SLC4A3: variants seen among roughly 807,000 people sequenced by gnomAD.
The protein encoded by SLC4A3 is solute carrier family 4 member 3.
SLC4A3 carries 47 observed loss-of-function variants against 114.2 expected under a neutral mutation model. The observed-to-expected ratio is 0.41, with a 90% CI of 0.33 to 0.52. SLC4A3 has a LOEUF of 0.52. Among genes scored for constraint, SLC4A3 ranks in the 20% least tolerant of loss-of-function variants. The pLI, the probability that SLC4A3 is intolerant of heterozygous loss-of-function variation, is 0.21. For missense variants in SLC4A3, 1,312 were observed against 1,668.3 expected, an observed-to-expected ratio of 0.79 and a Z score of 3.72; for synonymous variants, 693 against 710.3, an observed-to-expected ratio of 0.98 and a Z score of 0.39.
In SLC4A3 at chr2:219,635,311, A is replaced by T; in HGVS notation, c.1787A>T (p.Asp596Val). ...EAAYQADDRQ[D>V]LLSAISEFLD... ...GCCTACCAGGCAGATGACCGGCAAG[A>T]CCTCCTAAGTGCCATCAGCGAGTTC... Residue 596 changes from aspartate to valine, a missense_variant, in exon 13 of 23, where the codon GAC (aspartate) becomes GTC (valine). Transcript: ENST00000358055. 10 of 1,613,742 alleles carry T rather than the reference A, an allele frequency of 6.2e-6. No individual in the cohort carries two copies. Among genetic ancestry groups the T allele is most frequent in the Non-Finnish European group, 8.5e-6 (10 of 1,179,940 alleles).
chr2:219,632,299 G>A lies in SLC4A3; in HGVS notation c.998G>A (p.Ser333Asn). 1 of 1,614,124 alleles carries A rather than the reference G, an allele frequency of 6.2e-7. No individual in the cohort carries two copies. The highest frequency in any genetic ancestry group is 8.5e-7 in the Non-Finnish European group (1 of 1,180,028). The change falls in exon 8 of 23, where the codon AGC becomes AAC. Residue 333 changes from serine to asparagine, a missense_variant. By Grantham distance (46) the Ser-to-Asn change is conservative. Coordinates refer to ENST00000358055, the MANE Select transcript of SLC4A3 (RefSeq NM_005070.4). ...VELNELMLDRSQEPHWRETAR... is the reference protein window; with the variant it reads ...VELNELMLDRNQEPHWRETAR... Reference sequence around the variant, plus strand: ...CTGAACGAGCTGATGCTGGACCGCAGCCAGGAGCCCCACTGGCGGGAGACG... The same window carrying A: ...CTGAACGAGCTGATGCTGGACCGCAACCAGGAGCCCCACTGGCGGGAGACG...
In SLC4A3 at chr2:219,630,649, C is replaced by T. The variant is rs1044021385; in HGVS notation, c.811+297C>T. The stretch of plus-strand genomic sequence containing the variant: ...CACATTACTGTATCCCTCCCCAAGG[C>T]CCCTCTTCTCGGGGTGAACTCTCTG... On this transcript the variant is annotated intron_variant, in intron 6 of 22. Transcript: ENST00000358055. The surrounding 1 kb of genome is among the most constrained non-coding windows in gnomAD (Gnocchi z 6.9). Among the ~76,000 whole-genome samples the T allele has an allele frequency of 6.6e-6, 1 of 152,194 alleles. No individual in the cohort carries two copies. Among genetic ancestry groups the T allele is most frequent in the African/African-American group, 2.4e-5 (1 of 41,436 alleles).
rs1699102077 is a variant in SLC4A3 at position 219,635,887 on chromosome 2, GC to G, written c.2188del (p.Leu730TrpfsTer8). 1 of 1,510,196 alleles carries G rather than the reference GC, an allele frequency of 6.6e-7. No individual in the cohort carries two copies. Among genetic ancestry groups the G allele is most frequent in the African/African-American group, 1.4e-5 (1 of 72,050 alleles). 93.5% of individuals were successfully genotyped at this position (1,510,196 alleles called of 1,614,324 possible). The stretch of plus-strand genomic sequence containing the variant: ...GCCCTGCCATCACCTTCGGGGGGCT[GC>G]TGGGTAAGGGACTGGGGCTTGGGGA... ...LSPAITFGGL[L>X]GEKTEGLMGV... On this transcript the variant is annotated frameshift_variant, in exon 14 of 23. Transcript: ENST00000358055. LOFTEE classifies it high-confidence loss of function.
Position 219,632,024 on chromosome 2 carries a change from C to T in SLC4A3, c.868C>T (p.Arg290Trp), listed in dbSNP as rs373254743. The T allele has an allele frequency of 2.0e-5, 32 of 1,613,514 alleles. No homozygotes were observed. Among genetic ancestry groups the T allele is most frequent in the Admixed American group, 6.7e-5 (4 of 59,872 alleles). ...GCGACACTTAGTGAAAAAGCCCTCCCGGACGCAGGGCGGGAGGGGCAGTCC... is the reference window on the plus strand; with the variant it reads ...GCGACACTTAGTGAAAAAGCCCTCCTGGACGCAGGGCGGGAGGGGCAGTCC... ...VRRHLVKKPS[R>W]TQGGRGSPSG... is the part of the protein sequence containing the mutation. Residue 290 changes from arginine to tryptophan, a missense_variant, in exon 7 of 23, where the codon CGG becomes TGG. Coordinates refer to ENST00000358055, the MANE Select transcript of SLC4A3 (RefSeq NM_005070.4).
chr2:219,640,032 C>T (rs1699264500), intron 20 of SLC4A3, among the ~76,000 whole-genome samples: 1 of 152,158 alleles, frequency 6.6e-6, no homozygotes, highest in Non-Finnish European at 1.5e-5. Context: ...CAGGTTCACC[C>T]ATTCTCCTGC....
In SLC4A3 at chr2:219,636,386, C is replaced by T. The variant is rs1164765023; in HGVS notation, c.2276C>T (p.Ala759Val). 4 of 1,613,532 alleles carry T rather than the reference C, an allele frequency of 2.5e-6. No individual in the cohort carries two copies. The highest frequency in any genetic ancestry group is 3.4e-6 in the Non-Finnish European group (4 of 1,179,846). ...GGCGTCCTCTTCTCTCTGCTGGGAG[C>T]TCAGCCGCTGCTTGTGGTTGGCTTC... The part of the protein sequence containing the change: ...VLGVLFSLLG[A>V]QPLLVVGFSG... Residue 759 changes from alanine (A) to valine (V), a missense_variant, in exon 15 of 23, where the codon GCT becomes GTT. Transcript: ENST00000358055. The surrounding 1 kb of genome is among the most constrained non-coding windows in gnomAD (Gnocchi z 5.5).
chr2:219,636,626 T>A lies in SLC4A3; in HGVS notation c.2341-54T>A, dbSNP rs1000022130. The stretch of plus-strand genomic sequence containing the variant: ...CATCCGCTGCCTATTCCAGGGGGCA[T>A]TGACACCCAGGGCAGTCCACCTGTG... On this transcript the variant is annotated intron_variant, in intron 15 of 22. Coordinates refer to ENST00000358055, the MANE Select transcript of SLC4A3 (RefSeq NM_005070.4). The surrounding 1 kb of genome is among the most constrained non-coding windows in gnomAD (Gnocchi z 5.5). 3 of 1,537,040 alleles carry A rather than the reference T, an allele frequency of 2.0e-6. No individual in the cohort carries two copies. The African/African-American group carries it at 4.1e-5, about 21-fold the overall frequency.
At position 219,641,802 on chromosome 2, in the gene SLC4A3, C is replaced by T. The variant is rs1026836650; in HGVS notation, c.*74C>T. The T allele has an allele frequency of 1.0e-5, 13 of 1,277,164 alleles. No homozygotes were observed. Among genetic ancestry groups the T allele is most frequent in the South Asian group, 8.5e-5 (7 of 82,018 alleles). 79.1% of individuals were successfully genotyped at this position (1,277,164 alleles called of 1,614,324 possible). A position where few individuals can be genotyped will look rare whatever the true frequency, so the allele number is the denominator to read the frequency against. ...ACCTGGGCCTCAGGCAGAGCCCAGC[C>T]CTGGGCTGGGGGGCTCCTCAGGACC... On this transcript the variant is annotated 3_prime_UTR_variant, in exon 23 of 23. Coordinates refer to ENST00000358055, the MANE Select transcript of SLC4A3 (RefSeq NM_005070.4). This position sits in a 1 kb window ranked among gnomAD's most constrained non-coding sequence, Gnocchi z 4.0.
At position 219,636,959 on chromosome 2, in the gene SLC4A3, G is replaced by C. The variant is rs1159096907; in HGVS notation, c.2535+85G>C. 7 of 1,170,268 alleles carry C rather than the reference G, an allele frequency of 6.0e-6. No homozygotes were observed. In the Admixed American group the frequency reaches 1.3e-4, roughly 21 times the overall value. 72.5% of individuals were successfully genotyped at this position (1,170,268 alleles called of 1,614,324 possible). On this transcript the variant is annotated intron_variant, in intron 16 of 22. Coordinates refer to ENST00000358055, the MANE Select transcript of SLC4A3 (RefSeq NM_005070.4). This position sits in a 1 kb window ranked among gnomAD's most constrained non-coding sequence, Gnocchi z 5.5. ...GGACAGCATGGGAGGGGGAGGTATG[G>C]AGAACTAGGGGACAAGGAGAGGGAC...
intron 1 of SLC4A3, 42 bp from the exon 2 acceptor site, chr2:219,627,858 G>C (rs1022312450): frequency 7.4e-6 from 5 of 672,432 alleles, no homozygotes; most frequent in Admixed American, 3.2e-5. Context: ...CCCGGGTGGG[G>C]GGCGCCAGCG....
chr2:219,628,452 G>A lies in SLC4A3; in HGVS notation c.99G>A (p.Glu33=), dbSNP rs1210973895. Residue 33 remains glutamate, a synonymous_variant, in exon 3 of 23, where the codon GAG becomes GAA. Transcript: ENST00000358055. The surrounding 1 kb of genome is among the most constrained non-coding windows in gnomAD (Gnocchi z 4.8). Reference sequence around the variant, plus strand: ...CCCCTCTAAGTCCAGACGTGGAGGAGGAGGACGATGACTTGGGCAAGACCT... The same window carrying A: ...CCCCTCTAAGTCCAGACGTGGAGGAAGAGGACGATGACTTGGGCAAGACCT... ...EEPPLSPDVE[E]EDDDLGKTLA... 6.2e-7 allele frequency: 1 copy of A among 1,613,758 alleles called. No individual in the cohort carries two copies. Among genetic ancestry groups the A allele is most frequent in the Admixed American group, 1.7e-5 (1 of 59,970 alleles).
At position 219,639,302 on chromosome 2, in the gene SLC4A3, T is replaced by C. The variant is rs1699235753; in HGVS notation, c.3024-180T>C. 6.6e-6 allele frequency among the ~76,000 whole-genome samples: 1 copy of C among 152,194 alleles called. No individual in the cohort carries two copies. The highest frequency in any genetic ancestry group is 1.5e-5 in the Non-Finnish European group (1 of 68,022). On this transcript the variant is annotated intron_variant, in intron 19 of 22. Coordinates refer to ENST00000358055, the MANE Select transcript of SLC4A3 (RefSeq NM_005070.4). The surrounding 1 kb of genome is among the most constrained non-coding windows in gnomAD (Gnocchi z 5.9). ...AATATTCACAGTATGAGAATTTGTC[T>C]CACATTTGCTTCAATGTGAGAACTT... is the stretch of plus-strand genomic sequence containing the variant.
chr2:219,640,832 G>A lies in SLC4A3; in HGVS notation c.3491G>A (p.Gly1164Asp), dbSNP rs1170724069. The A allele has an allele frequency of 1.2e-5, 20 of 1,612,450 alleles. No individual in the cohort carries two copies. The Admixed American group carries it at 3.3e-4, about 27-fold the overall frequency. Residue 1164 changes from glycine (G) to aspartate (D), a missense_variant, in exon 22 of 23, where the codon GGC (glycine) becomes GAC (aspartate). Transcript: ENST00000358055. ...CATCTGTTCACCTGCATCCAGCTGG[G>A]CTGCATCGCACTGCTCTGGGTGGTC... ...RMHLFTCIQL[G>D]CIALLWVVKS...
chr2:219,631,844 G>T lies in SLC4A3; in HGVS notation c.812-124G>T. On this transcript the variant is annotated intron_variant, in intron 6 of 22. Transcript: ENST00000358055. The surrounding 1 kb of genome is among the most constrained non-coding windows in gnomAD (Gnocchi z 6.3). ...GGCCACATGGGATTATGTGGTTCCC[G>T]TCGGCATGGCCTGTTGGTGACTGTA... The T allele has an allele frequency of 2.8e-6, 3 of 1,073,800 alleles. No individual in the cohort carries two copies. Among genetic ancestry groups the T allele is most frequent in the Non-Finnish European group, 4.1e-6 (3 of 737,418 alleles). 66.5% of individuals were successfully genotyped at this position (1,073,800 alleles called of 1,614,324 possible).
At chr2:219,634,653 C>A (rs1163907753) in intron 12 of SLC4A3, 49 bp downstream of exon 12, 1 of 1,581,204 alleles carries the variant, frequency 6.3e-7, no homozygotes, top group East Asian at 2.3e-5. Flanking sequence ...GCCCTGCTTA[C>A]CCCTGTCCCT....
chr2:219,633,216 A>G, intron 9 of SLC4A3, 58 bp from the exon 10 acceptor site: 1 of 1,495,732 alleles, frequency 6.7e-7, no homozygotes. Context: ...TACTCACCTC[A>G]TGACCTCAGT....
At position 219,638,358 on chromosome 2, in the gene SLC4A3, A is replaced by C; in HGVS notation, c.2856+105A>C. ...TGGGATTGGGATCAGGCCTGAACTC[A>C]ACTTTCCCAGTGGAGTGGCCGCCCT... On this transcript the variant is annotated intron_variant, in intron 18 of 22. Coordinates refer to ENST00000358055, the MANE Select transcript of SLC4A3 (RefSeq NM_005070.4). The surrounding 1 kb of genome is among the most constrained non-coding windows in gnomAD (Gnocchi z 7.5). 1.0e-6 allele frequency: 1 copy of C among 971,562 alleles called. No individual in the cohort carries two copies. Among genetic ancestry groups the C allele is most frequent in the South Asian group, 1.4e-5 (1 of 70,058 alleles). 60.2% of individuals were successfully genotyped at this position (971,562 alleles called of 1,614,324 possible). A position where few individuals can be genotyped will look rare whatever the true frequency, so the allele number is the denominator to read the frequency against.
chr2:219,632,780 A>G, intron 8 of SLC4A3, 94 bp from the exon 9 acceptor site: 2 of 1,524,950 alleles, frequency 1.3e-6, no homozygotes, highest in South Asian at 2.4e-5. Flanking sequence ...CCCTTCCAGC[A>G]CATTCGCATG....
chr2:219,634,594 T>C lies in SLC4A3; in HGVS notation c.1736T>C (p.Met579Thr). ...HELGRSIATL[M>T]SDKLFHEAAY... is the part of the protein sequence containing the mutation. ...CTTGGGCGCTCCATTGCCACCCTTATGTCTGACAAGGTTGGGCGCGTGCTG... is the reference window on the plus strand; with the variant it reads ...CTTGGGCGCTCCATTGCCACCCTTACGTCTGACAAGGTTGGGCGCGTGCTG... Residue 579 changes from methionine (M) to threonine (T), a missense_variant, in exon 12 of 23, where the codon ATG (methionine) becomes ACG (threonine). Met to Thr is a moderately conservative substitution (Grantham distance 81). Around this residue, in one of 4 missense-constraint regions of SLC4A3, gnomAD observed 771 missense variants for 977.7 expected, o/e 0.79. Coordinates refer to ENST00000358055, the MANE Select transcript of SLC4A3 (RefSeq NM_005070.4). The C allele has an allele frequency of 2.5e-6, 4 of 1,614,140 alleles. No homozygotes were observed. Among genetic ancestry groups the C allele is most frequent in the East Asian group, 2.2e-5 (1 of 44,878 alleles).
Sources: allele counts gnomAD v4.1 joint callset (sites outside exome capture counted in the v4.1 genomes callset), GRCh38; gene constraint gnomAD v4.1.1; regional missense constraint gnomAD v4.1.1; non-coding constraint Gnocchi (gnomAD v3.1); transcripts MANE v1.5; gene names NCBI Gene and HGNC (gene_info 2026-07-23, HGNC 2026-07-21).